Variants in AIG1 observed in about 807,000 individuals in gnomAD.
AIG1 encodes the protein androgen induced 1.
Under a neutral mutation model 31.4 loss-of-function variants are expected in AIG1, and 23 were observed. The ratio of observed to expected loss-of-function variants is 0.73; its 90% CI spans 0.53 to 1.04. The LOEUF (loss-of-function observed/expected upper bound fraction) is 1.04. AIG1 is among the 50% of genes least tolerant of loss of function. AIG1 has a pLI of 0.00. For synonymous variants in AIG1, 100 were observed against 110.5 expected (o/e 0.90, Z 0.60); for missense variants, 274 against 295.0 (o/e 0.93, Z 0.52).
chr6:143,083,810 C>T (rs1371955582), intron 1 of AIG1, among the ~76,000 whole-genome samples: 1 of 152,122 alleles, frequency 6.6e-6, no homozygotes, highest in East Asian at 1.9e-4. Flanking sequence ...TCCATATTTT[C>T]CTTCTGTTGC....
At position 143,232,050 on chromosome 6, in the gene AIG1, A is replaced by T. The variant is rs374664238; in HGVS notation, c.400-52060A>T. On this transcript the variant is annotated intron_variant, in intron 3 of 5. Transcript: ENST00000357847. ...ATAAAGGCATTGTGGAGCCTTTGCC[A>T]CCTTTGAAAGATTTTATATAGATCA... 5.3e-5 allele frequency among the ~76,000 whole-genome samples: 8 copies of T among 152,316 alleles called. No homozygotes were observed. The South Asian group carries it at 1.5e-3, about 28-fold the overall frequency.
chr6:143,104,117 C>G (rs1412590625), intron 1 of AIG1, among the ~76,000 whole-genome samples: 2 of 152,158 alleles, frequency 1.3e-5, no homozygotes, highest in African/African-American at 4.8e-5. Flanking sequence ...GAGGGTTGGT[C>G]TATACTGGTT....
chr6:143,257,777 A>G (rs1222933185), intron 3 of AIG1, among the ~76,000 whole-genome samples: 1 of 152,168 alleles, frequency 6.6e-6, no homozygotes, highest in African/African-American at 2.4e-5. Context: ...TCATCTGTGA[A>G]GTTCTAGGTG....
intron 3 of AIG1, chr6:143,190,671 T>C: frequency 1.1e-6 from 1 of 916,010 alleles, no homozygotes; most frequent in Non-Finnish European, 1.3e-6. Context: ...GTAAGGACTT[T>C]CTCAACCTGT....
rs1776499038 is a variant in AIG1 at position 143,325,090 on chromosome 6, G to A, written c.516-8192G>A. Reference sequence around the variant, plus strand: ...AAAATGCTTTCCCTTCCACTTTATTGGTGGCAAACCAGTTTTCTAATAATT... The same window carrying A: ...AAAATGCTTTCCCTTCCACTTTATTAGTGGCAAACCAGTTTTCTAATAATT... On this transcript the variant is annotated intron_variant, in intron 4 of 5. Transcript: ENST00000357847. This position sits in a 1 kb window ranked among gnomAD's most constrained non-coding sequence, Gnocchi z 4.3. Among the ~76,000 whole-genome samples the A allele has an allele frequency of 6.6e-6, 1 of 152,130 alleles. No individual in the cohort carries two copies. The highest frequency in any genetic ancestry group is 1.5e-5 in the Non-Finnish European group (1 of 68,032).
intron 3 of AIG1, among the ~76,000 whole-genome samples, chr6:143,243,221 A>C (rs1221597480): frequency 6.6e-6 from 1 of 152,238 alleles, no homozygotes; most frequent in African/African-American, 2.4e-5. Flanking sequence ...GCAGCTGGGT[A>C]TGTAGGTGCT....
intron 4 of AIG1, among the ~76,000 whole-genome samples, chr6:143,304,862 C>G (rs1211761145): frequency 1.3e-5 from 2 of 152,054 alleles, no homozygotes; most frequent in African/African-American, 4.8e-5. Context: ...GTCCTGGACT[C>G]TTTTTGGTTG....
Position 143,246,301 on chromosome 6 carries a change from C to G in AIG1, c.400-37809C>G, listed in dbSNP as rs188920468. Among the ~76,000 whole-genome samples, 18 of 151,412 alleles carry G rather than the reference C, an allele frequency of 1.2e-4. 1 individual carries two copies. Among genetic ancestry groups the G allele is most frequent in the South Asian group, 2.1e-4 (1 of 4,782 alleles). ...AAAAAAAAGAGGTTTAATGGACTTA[C>G]AGTTCCACGTGGCTAGGAAGGCCTC... On this transcript the variant is annotated intron_variant, in intron 3 of 5. Coordinates refer to ENST00000357847, the MANE Select transcript of AIG1 (RefSeq NM_016108.4).
rs961602148 is a variant in AIG1, at chr6:143,334,191, T to G, written c.679+746T>G. On this transcript the variant is annotated intron_variant, in intron 5 of 5. Coordinates refer to ENST00000357847, the MANE Select transcript of AIG1 (RefSeq NM_016108.4). The surrounding 1 kb of genome is among the most constrained non-coding windows in gnomAD (Gnocchi z 5.1). ...TGGAAAAAGCGCCAGCACAGACATG[T>G]AGTGATTGAGTCCTGCATGAAAATA... is the stretch of plus-strand genomic sequence containing the variant. The G allele has an allele frequency of 5.6e-6, 7 of 1,252,340 alleles. No homozygotes were observed. Among genetic ancestry groups the G allele is most frequent in the African/African-American group, 1.5e-5 (1 of 66,018 alleles). 77.6% of individuals were successfully genotyped at this position (1,252,340 alleles called of 1,614,324 possible).
At chr6:143,171,229 T>C (rs957865926) in intron 3 of AIG1, among the ~76,000 whole-genome samples, 1 of 151,046 alleles carries the variant, frequency 6.6e-6, no homozygotes, top group Non-Finnish European at 1.5e-5. Flanking sequence ...GTCCATTTTA[T>C]CATTCTTATG....
intron 3 of AIG1, among the ~76,000 whole-genome samples, chr6:143,172,808 C>G (rs946337271): frequency 7.2e-5 from 11 of 152,024 alleles, no homozygotes; most frequent in African/African-American, 2.7e-4. Context: ...TTGTATATTT[C>G]CAGGAATTTA....
chr6:143,138,571 G>A (rs930491442), intron 2 of AIG1, among the ~76,000 whole-genome samples: 7 of 151,840 alleles, frequency 4.6e-5, no homozygotes, highest in African/African-American at 9.7e-5. Context: ...GGAAGCCTTC[G>A]TTGGCTAGAA....
chr6:143,201,393 C>T (rs1790687734), intron 3 of AIG1, among the ~76,000 whole-genome samples: 2 of 151,980 alleles, frequency 1.3e-5, no homozygotes. Flanking sequence ...AAAGGTAAAT[C>T]TTTCTGATGT....
At chr6:143,115,929 T>G (rs926904100) in intron 1 of AIG1, among the ~76,000 whole-genome samples, 13 of 152,220 alleles carry the variant, frequency 8.5e-5, no homozygotes, top group Non-Finnish European at 7.3e-5. Context: ...ATGGTCCTGG[T>G]TAGCATTAAC....
At chr6:143,167,879 A>C (rs902759426) in intron 3 of AIG1, among the ~76,000 whole-genome samples, 2 of 152,212 alleles carry the variant, frequency 1.3e-5, no homozygotes, top group Non-Finnish European at 2.9e-5. Flanking sequence ...CTCATGTTCC[A>C]ATTGATAGTT....
chr6:143,131,340 C>T (rs1428533938), intron 1 of AIG1, among the ~76,000 whole-genome samples: 1 of 152,048 alleles, frequency 6.6e-6, no homozygotes, highest in African/African-American at 2.4e-5. Flanking sequence ...TAAATGGCCC[C>T]CAGAGATGTT....
At chr6:143,079,937 A>G (rs1778071019) in intron 1 of AIG1, among the ~76,000 whole-genome samples, 1 of 152,168 alleles carries the variant, frequency 6.6e-6, no homozygotes, top group South Asian at 2.1e-4. Flanking sequence ...CTCTGGCGAT[A>G]TATGATTTGA....
At chr6:143,171,693 C>T (rs900822872) in intron 3 of AIG1, among the ~76,000 whole-genome samples, 1 of 150,726 alleles carries the variant, frequency 6.6e-6, no homozygotes, top group African/African-American at 2.4e-5. Context: ...TGAGTAGATA[C>T]CCGGGAGTGG....
At chr6:143,164,117 GAT>G (rs1215651272) in intron 2 of AIG1, among the ~76,000 whole-genome samples, 4 of 152,230 alleles carry the variant, frequency 2.6e-5, no homozygotes, top group Admixed American at 2.0e-4. Flanking sequence ...GCATGAATGA[GAT>G]ATAAAATGAA....
Sources: allele counts gnomAD v4.1 joint callset (sites outside exome capture counted in the v4.1 genomes callset), GRCh38; gene constraint gnomAD v4.1.1; non-coding constraint Gnocchi (gnomAD v3.1); transcripts MANE v1.5; gene names NCBI Gene and HGNC (gene_info 2026-07-23, HGNC 2026-07-21).